The following NSD2 variants were observed in gnomAD, a reference collection of about 807,000 sequenced individuals.
NSD2 encodes the protein nuclear receptor binding SET domain protein 2, also known as histone-lysine N-methyltransferase NSD2.
In NSD2, 12 loss-of-function variants were observed where a neutral mutation model predicts 139.0. The observed-to-expected ratio is 0.09, with a 90% CI of 0.06 to 0.14. The LOEUF is 0.14. Among genes scored for constraint, NSD2 ranks in the 10% least tolerant of loss-of-function variants. The pLI is 1.00. For synonymous variants in NSD2, 669 were observed against 648.7 expected (o/e 1.03, Z -0.48); for missense variants, 1,155 against 1,745.0 (o/e 0.66, Z 6.02).
chr4:1,960,623 C>T (rs1228322919), intron 17 of NSD2, among the ~76,000 whole-genome samples: 1 of 152,256 alleles, frequency 6.6e-6, no homozygotes, highest in Non-Finnish European at 1.5e-5. Context: ...AAACACCTCC[C>T]CAGCACCCTT....
At chr4:1,892,006 A>G (rs955044782) in intron 1 of NSD2, among the ~76,000 whole-genome samples, 1 of 151,974 alleles carries the variant, frequency 6.6e-6, no homozygotes, top group Non-Finnish European at 1.5e-5. Flanking sequence ...TTTTCCTAGC[A>G]TATCTACTCT....
At chr4:1,951,512 A>G (rs1724262536) in intron 10 of NSD2, among the ~76,000 whole-genome samples, 2 of 132,574 alleles carry the variant, frequency 1.5e-5, no homozygotes, top group Non-Finnish European at 3.3e-5. Flanking sequence ...ACACACACAC[A>G]CACACACACA....
Position 1,874,686 on chromosome 4 carries a change from A to G in NSD2, c.-30+3144A>G, listed in dbSNP as rs1714122164. The stretch of plus-strand genomic sequence containing the variant: ...ACATTGCAAGTATATAAGTCCAACA[A>G]GTAGTAGAACAGATCTGTACTACCA... On this transcript the variant is annotated intron_variant, in intron 1 of 21. Coordinates refer to ENST00000508803, the MANE Select transcript of NSD2 (RefSeq NM_001042424.3). Among the ~76,000 whole-genome samples, 2 of 152,338 alleles carry G rather than the reference A, an allele frequency of 1.3e-5. 1 individual carries two copies.
At chr4:1,872,585 TGTGTGTGAGAGAGA>T (rs1197549241) in intron 1 of NSD2, among the ~76,000 whole-genome samples, 102 of 56,578 alleles carry the variant, frequency 1.8e-3, no homozygotes, top group African/African-American at 5.4e-3. Flanking sequence ...TGTGTGTGTG[TGTGTGTGAGAGAGA>T]GAGAGAGAGA....
intron 3 of NSD2, among the ~76,000 whole-genome samples, chr4:1,911,314 G>A (rs967689912): frequency 3.9e-5 from 6 of 152,110 alleles, no homozygotes; most frequent in African/African-American, 1.2e-4. Context: ...AGGGCCAGGT[G>A]CAGTGGCTCA....
At chr4:1,929,452 A>G (rs961265471) in intron 5 of NSD2, among the ~76,000 whole-genome samples, 1 of 152,134 alleles carries the variant, frequency 6.6e-6, no homozygotes, top group African/African-American at 2.4e-5. Flanking sequence ...GCCGAAGTCC[A>G]CAGAACTACC....
At chr4:1,889,989 A>ATCCTC (rs1229091371) in intron 1 of NSD2, among the ~76,000 whole-genome samples, 1 of 151,916 alleles carries the variant, frequency 6.6e-6, no homozygotes, top group Non-Finnish European at 1.5e-5. Context: ...GTCACTTCCT[A>ATCCTC]TCCTCTCCTC....
chr4:1,875,176 C>G (rs902564553), intron 1 of NSD2, among the ~76,000 whole-genome samples: 4 of 151,756 alleles, frequency 2.6e-5, no homozygotes, highest in African/African-American at 9.7e-5. Flanking sequence ...GGGCTGGTCT[C>G]TGTAACTCCT....
chr4:1,965,440 GA>G (rs1725789385), intron 18 of NSD2, among the ~76,000 whole-genome samples: 1 of 152,160 alleles, frequency 6.6e-6, no homozygotes. Context: ...AAGAGAGAAA[GA>G]GGCAGAGACA....
chr4:1,957,915 A>G lies in NSD2; in HGVS notation c.2882-18A>G, dbSNP rs749803296. 2.5e-6 allele frequency: 4 copies of G among 1,611,540 alleles called. No individual in the cohort carries two copies. Among genetic ancestry groups the G allele is most frequent in the Middle Eastern group, 1.7e-4 (1 of 6,048 alleles). On this transcript the variant is annotated intron_variant, in intron 15 of 21. Coordinates refer to ENST00000508803, the MANE Select transcript of NSD2 (RefSeq NM_001042424.3). The stretch of plus-strand genomic sequence containing the variant: ...TGTATTTACTAAAATCTTTACTCCT[A>G]TTTCATTGACTTTTTAGCACTGCAA...
intron 15 of NSD2, among the ~76,000 whole-genome samples, chr4:1,957,458 T>C (rs1317233226): frequency 6.6e-6 from 1 of 151,338 alleles, no homozygotes; most frequent in Non-Finnish European, 1.5e-5. Flanking sequence ...TAATTTTTTT[T>C]TTTTTTTTTG....
Position 1,904,262 on chromosome 4 carries a change from A to G in NSD2, c.644A>G (p.Asp215Gly), listed in dbSNP as rs756213696. The stretch of plus-strand genomic sequence containing the variant: ...TGTCCAAACACTGGAAGAGACAAAG[A>G]CCACCTGTTGAAATACAACGTTGGT... ...ESCPNTGRDK[D>G]HLLKYNVGDL... Residue 215 changes from aspartate (D) to glycine (G), a missense_variant, in exon 3 of 22, where the codon GAC (aspartate) becomes GGC (glycine). Coordinates refer to ENST00000508803, the MANE Select transcript of NSD2 (RefSeq NM_001042424.3). 3 of 1,614,048 alleles carry G rather than the reference A, an allele frequency of 1.9e-6. No homozygotes were observed. Among genetic ancestry groups the G allele is most frequent in the Non-Finnish European group, 2.5e-6 (3 of 1,180,036 alleles).
chr4:1,973,334 G>A lies in NSD2; in HGVS notation c.3373-1529G>A, dbSNP rs1269679423. Among the ~76,000 whole-genome samples the A allele has an allele frequency of 6.6e-6, 1 of 152,212 alleles. No homozygotes were observed. Among genetic ancestry groups the A allele is most frequent in the Admixed American group, 6.5e-5 (1 of 15,286 alleles). ...TAGGTTAGACACGGTGCTGCCAGGC[G>A]TCAGAGGCTGGGTTGTCCTGTTGGC... On this transcript the variant is annotated intron_variant, in intron 18 of 21. Coordinates refer to ENST00000508803, the MANE Select transcript of NSD2 (RefSeq NM_001042424.3). The surrounding 1 kb of genome is among the most constrained non-coding windows in gnomAD (Gnocchi z 5.5).
intron 9 of NSD2, chr4:1,945,716 G>T: frequency 1.9e-6 from 2 of 1,063,554 alleles, no homozygotes; most frequent in Non-Finnish European, 2.3e-6. Flanking sequence ...TGAGTTGAAA[G>T]GGTTGCCTTG....
intron 18 of NSD2, among the ~76,000 whole-genome samples, chr4:1,971,129 C>T (rs192927570): frequency 5.1e-4 from 77 of 152,180 alleles, no homozygotes; most frequent in Admixed American, 4.4e-3. Flanking sequence ...GAGGCTGAGG[C>T]GGGTGGATTG....
At chr4:1,895,975 C>G (rs1489417496) in intron 1 of NSD2, among the ~76,000 whole-genome samples, 1 of 152,224 alleles carries the variant, frequency 6.6e-6, no homozygotes, top group Admixed American at 6.5e-5. Context: ...TGAGGAAGTC[C>G]TCTGCCTGGT....
At position 1,980,759 on chromosome 4, in the gene NSD2, G is replaced by A. The variant is rs765387218; in HGVS notation, c.*1850G>A. The A allele has an allele frequency of 1.3e-3, 305 of 233,244 alleles. 9 individuals carry two copies. The highest frequency in any genetic ancestry group is 9.0e-4 in the South Asian group (5 of 5,526). 14.4% of individuals were successfully genotyped at this position (233,244 alleles called of 1,614,324 possible). A position where few individuals can be genotyped will look rare whatever the true frequency, so the allele number is the denominator to read the frequency against. ...GAGCTGTGTAGCCACTGACTTGCTC[G>A]CGCGGCCGTGGCCTCTGAGGGGCAC... On this transcript the variant is annotated 3_prime_UTR_variant, in exon 22 of 22. Transcript: ENST00000508803.
chr4:1,956,275 T>A lies in NSD2; in HGVS notation c.2881+87T>A. 1 of 1,198,456 alleles carries A rather than the reference T, an allele frequency of 8.3e-7. No individual in the cohort carries two copies. 74.2% of individuals were successfully genotyped at this position (1,198,456 alleles called of 1,614,324 possible). ...TCTATTTTTTAAAATTTGATCTTTA[T>A]AGAAAATACTGGACTAAGCATTCAA... On this transcript the variant is annotated intron_variant, in intron 15 of 21. Coordinates refer to ENST00000508803, the MANE Select transcript of NSD2 (RefSeq NM_001042424.3). The surrounding 1 kb of genome is among the most constrained non-coding windows in gnomAD (Gnocchi z 5.3).
At chr4:1,926,281 A>G (rs1017811891) in intron 5 of NSD2, among the ~76,000 whole-genome samples, 1 of 150,458 alleles carries the variant, frequency 6.6e-6, no homozygotes, top group Non-Finnish European at 1.5e-5. Context: ...CAGCCTCCCG[A>G]GTAGCTGGGA....
Sources: allele counts gnomAD v4.1 joint callset (sites outside exome capture counted in the v4.1 genomes callset), GRCh38; gene constraint gnomAD v4.1.1; non-coding constraint Gnocchi (gnomAD v3.1); transcripts MANE v1.5; gene names NCBI Gene and HGNC (gene_info 2026-07-23, HGNC 2026-07-21).